The following FGGY variants were observed in gnomAD, a reference collection of about 807,000 sequenced individuals.
FGGY encodes the protein FGGY carbohydrate kinase domain-containing protein.
In FGGY, 72 loss-of-function variants were observed where a neutral mutation model predicts 71.3. The ratio of observed to expected loss-of-function variants is 1.01; its 90% CI spans 0.84 to 1.23. The LOEUF (loss-of-function observed/expected upper bound fraction) is 1.23. FGGY is among the 50% of genes most tolerant of loss of function. The pLI is 0.00. For missense variants in FGGY, 668 were observed against 682.3 expected (o/e 0.98, Z 0.23); for synonymous variants, 251 against 250.3 (o/e 1.00, Z -0.02).
chr1:59,409,495 T>C (rs1287731209), intron 5 of FGGY, among the ~76,000 whole-genome samples: 1 of 151,882 alleles, frequency 6.6e-6, no homozygotes, highest in Non-Finnish European at 1.5e-5. Flanking sequence ...CTTCTCTGAG[T>C]TCCAGCTTGT....
At chr1:59,662,122 C>G (rs2097280783) in intron 12 of FGGY, among the ~76,000 whole-genome samples, 1 of 150,074 alleles carries the variant, frequency 6.7e-6, no homozygotes, top group African/African-American at 2.4e-5. Flanking sequence ...GAGATCGAGA[C>G]TATCCCGGCT....
At chr1:59,678,790 A>G (rs2097462635) in intron 14 of FGGY, among the ~76,000 whole-genome samples, 1 of 152,262 alleles carries the variant, frequency 6.6e-6, no homozygotes, top group South Asian at 2.1e-4. Context: ...TGGAGGAAGC[A>G]TCTGAAGCAA....
rs1051263460 is a variant in FGGY, at chr1:59,545,200, G to A, written c.800-8924G>A. ...CTTTAGATTTCTAGCACCCAGCATA[G>A]TTCCTGGCTTATAATTGGGGATCAG... On this transcript the variant is annotated intron_variant, in intron 7 of 15. Transcript: ENST00000303721. Among the ~76,000 whole-genome samples, 4 of 152,278 alleles carry A rather than the reference G, an allele frequency of 2.6e-5. No homozygotes were observed. In the South Asian group the frequency reaches 6.2e-4, roughly 24 times the overall value.
intron 9 of FGGY, among the ~76,000 whole-genome samples, chr1:59,622,721 A>C (rs78284287): frequency 1.3e-5 from 2 of 152,042 alleles, no homozygotes; most frequent in East Asian, 3.9e-4. Flanking sequence ...CTAACCTCTC[A>C]TTTCTTAATC....
intron 4 of FGGY, among the ~76,000 whole-genome samples, chr1:59,346,621 A>G (rs835356): frequency 0.19 from 28,561 of 152,056 alleles, 3,463 homozygotes; most frequent in African/African-American, 0.35. Context: ...TGTACACATT[A>G]TCTCTTTGAA....
intron 1 of FGGY, among the ~76,000 whole-genome samples, chr1:59,319,548 TC>T (rs1227073718): frequency 6.6e-6 from 1 of 152,182 alleles, no homozygotes; most frequent in Non-Finnish European, 1.5e-5. Flanking sequence ...GGAAGCCTTT[TC>T]CAAGGAGAAT....
chr1:59,580,181 T>A (rs1336582461), intron 8 of FGGY, among the ~76,000 whole-genome samples: 3 of 152,204 alleles, frequency 2.0e-5, no homozygotes, highest in Non-Finnish European at 2.9e-5. Flanking sequence ...TTTATTTTTC[T>A]ACACACAGTT....
At chr1:59,731,101 G>C (rs991670446) in intron 14 of FGGY, among the ~76,000 whole-genome samples, 1 of 152,232 alleles carries the variant, frequency 6.6e-6, no homozygotes, top group Non-Finnish European at 1.5e-5. Flanking sequence ...GAGTCTGGTG[G>C]AGGAGCAGAA....
At chr1:59,469,966 A>G (rs1479470020) in intron 6 of FGGY, among the ~76,000 whole-genome samples, 1 of 152,204 alleles carries the variant, frequency 6.6e-6, no homozygotes, top group East Asian at 1.9e-4. Flanking sequence ...TCCATGGTGT[A>G]CATGTACCAC....
At chr1:59,413,529 A>G (rs916056990) in intron 5 of FGGY, among the ~76,000 whole-genome samples, 1 of 152,206 alleles carries the variant, frequency 6.6e-6, no homozygotes, top group African/African-American at 2.4e-5. Flanking sequence ...ATGAATGCTT[A>G]GAGATTCTCA....
intron 5 of FGGY, among the ~76,000 whole-genome samples, chr1:59,405,120 G>C (rs1310919865): frequency 6.6e-6 from 1 of 152,134 alleles, no homozygotes; most frequent in Admixed American, 6.5e-5. Flanking sequence ...TGAATCAAAG[G>C]CATTCCGCAA....
chr1:59,563,438 C>T (rs2095826169), intron 8 of FGGY, among the ~76,000 whole-genome samples: 1 of 152,120 alleles, frequency 6.6e-6, no homozygotes, highest in Non-Finnish European at 1.5e-5. Flanking sequence ...CTCCCATTCA[C>T]AATTGCTACA....
chr1:59,699,219 T>A (rs2097689581), intron 14 of FGGY: 2 of 985,258 alleles, frequency 2.0e-6, no homozygotes, highest in South Asian at 4.7e-5. Context: ...TTCTGAGATT[T>A]TTTTTCTGGC....
intron 4 of FGGY, among the ~76,000 whole-genome samples, chr1:59,356,239 C>T (rs1468951583): frequency 1.3e-5 from 2 of 152,136 alleles, no homozygotes; most frequent in Non-Finnish European, 2.9e-5. Context: ...ATTACTTTTC[C>T]TCTAGCAAGC....
intron 5 of FGGY, among the ~76,000 whole-genome samples, chr1:59,413,660 C>A (rs2063922345): frequency 6.6e-6 from 1 of 151,970 alleles, no homozygotes; most frequent in South Asian, 2.1e-4. Context: ...TAAAAAAAAA[C>A]CCAGACTTGC....
chr1:59,600,904 TATTTACA>T (rs1189842290), intron 8 of FGGY, among the ~76,000 whole-genome samples: 2 of 152,032 alleles, frequency 1.3e-5, no homozygotes, highest in Non-Finnish European at 2.9e-5. Context: ...CATTAACAGC[TATTTACA>T]ATTCAATCTG....
chr1:59,755,819 C>T (rs1368065086), intron 14 of FGGY: 2 of 152,108 alleles, frequency 1.3e-5, no homozygotes, highest in African/African-American at 4.8e-5. Context: ...AATGTTGTCT[C>T]AAGTGTGGGG....
chr1:59,313,582 A>ATG (rs1444668867), intron 1 of FGGY, among the ~76,000 whole-genome samples: 4 of 151,988 alleles, frequency 2.6e-5, no homozygotes, highest in African/African-American at 9.7e-5. Context: ...ACACACACAC[A>ATG]CGCACGCACA....
At chr1:59,304,387 G>A (rs988700054) in intron 1 of FGGY, among the ~76,000 whole-genome samples, 8 of 152,026 alleles carry the variant, frequency 5.3e-5, no homozygotes, top group Non-Finnish European at 1.2e-4. Context: ...TTGTATATGA[G>A]TAGTTTATTT....
Sources: allele counts gnomAD v4.1 joint callset (sites outside exome capture counted in the v4.1 genomes callset), GRCh38; gene constraint gnomAD v4.1.1; transcripts MANE v1.5; gene names NCBI Gene and HGNC (gene_info 2026-07-23, HGNC 2026-07-21).